The following PDE4D variants were observed in gnomAD, a reference collection of about 807,000 sequenced individuals.
PDE4D encodes the protein phosphodiesterase 4D, also known as 3',5'-cyclic-AMP phosphodiesterase 4D.
Under a neutral mutation model 87.4 loss-of-function variants are expected in PDE4D, and 24 were observed. The ratio of observed to expected loss-of-function variants is 0.27; its 90% CI spans 0.20 to 0.39. The LOEUF is 0.39. PDE4D is among the 10% of genes least tolerant of loss of function. The pLI is 1.00. For synonymous variants in PDE4D, 384 were observed against 383.2 expected (o/e 1.00, Z -0.02); for missense variants, 714 against 1,041.0 (o/e 0.69, Z 4.32).
At chr5:59,374,126 G>T (rs958495046) in intron 1 of PDE4D, among the ~76,000 whole-genome samples, 1 of 152,122 alleles carries the variant, frequency 6.6e-6, no homozygotes, top group Non-Finnish European at 1.5e-5. Flanking sequence ...AAACAAGTCT[G>T]CAAAATAACC....
chr5:59,314,982 A>T (rs1773418806), intron 1 of PDE4D, among the ~76,000 whole-genome samples: 1 of 152,114 alleles, frequency 6.6e-6, no homozygotes, highest in Admixed American at 6.6e-5. Flanking sequence ...GCTACCAGGA[A>T]GTTCATGCCT....
intron 1 of PDE4D, among the ~76,000 whole-genome samples, chr5:59,813,113 G>A (rs1768554621): frequency 6.6e-6 from 1 of 152,112 alleles, no homozygotes; most frequent in African/African-American, 2.4e-5. Context: ...ATTTGCTTAT[G>A]GTCCAAGGAC....
chr5:59,962,891 T>C (rs188224241), intron 3 of PDE4D, among the ~76,000 whole-genome samples: 3 of 152,194 alleles, frequency 2.0e-5, no homozygotes, highest in African/African-American at 7.2e-5. Flanking sequence ...TATTAGTAAT[T>C]GTTATTTTTG....
At chr5:60,370,511 TAGAAG>T (rs1760931166) in intron 1 of PDE4D, among the ~76,000 whole-genome samples, 1 of 152,076 alleles carries the variant, frequency 6.6e-6, no homozygotes, top group African/African-American at 2.4e-5. Flanking sequence ...CAAATCAACC[TAGAAG>T]AGAAGGAAGT....
At chr5:59,135,737 A>G (rs1413370294) in intron 5 of PDE4D, among the ~76,000 whole-genome samples, 1 of 152,226 alleles carries the variant, frequency 6.6e-6, no homozygotes, top group Non-Finnish European at 1.5e-5. Flanking sequence ...AACAAAACAG[A>G]AAAACCACTG....
At chr5:60,154,509 T>G (rs1002197916) in intron 2 of PDE4D, among the ~76,000 whole-genome samples, 24 of 152,130 alleles carry the variant, frequency 1.6e-4, no homozygotes, top group African/African-American at 5.3e-4. Context: ...CTCCTGACCT[T>G]ATGATCCATC....
intron 3 of PDE4D, among the ~76,000 whole-genome samples, chr5:59,942,048 G>A (rs1757241911): frequency 6.6e-6 from 1 of 152,208 alleles, no homozygotes; most frequent in Non-Finnish European, 1.5e-5. Flanking sequence ...CACCAGCCTG[G>A]AATGGAAGCT....
chr5:59,767,941 A>G (rs1259361635), intron 1 of PDE4D, among the ~76,000 whole-genome samples: 2 of 152,142 alleles, frequency 1.3e-5, no homozygotes, highest in Non-Finnish European at 2.9e-5. Flanking sequence ...AAACGCCACT[A>G]CGTACGTATG....
At chr5:60,047,875 T>C (rs1582366480) in intron 2 of PDE4D, among the ~76,000 whole-genome samples, 1 of 152,156 alleles carries the variant, frequency 6.6e-6, no homozygotes, top group African/African-American at 2.4e-5. Context: ...TAGATGTCTA[T>C]TAGGTCTGCT....
chr5:59,105,821 C>G (rs1268695599), intron 5 of PDE4D, among the ~76,000 whole-genome samples: 1 of 151,982 alleles, frequency 6.6e-6, no homozygotes, highest in Non-Finnish European at 1.5e-5. Flanking sequence ...GACTCAGTAG[C>G]GAGTGGGTCA....
chr5:59,616,918 C>CACATATATATATATATATAT (rs1554043754), intron 1 of PDE4D, among the ~76,000 whole-genome samples: 1 of 62,890 alleles, frequency 1.6e-5, no homozygotes, highest in Non-Finnish European at 3.2e-5. Context: ...CTAATAATTA[C>CACATATATATATATATATAT]ATATATATAT....
chr5:60,309,677 T>A (rs1208866245), intron 1 of PDE4D, among the ~76,000 whole-genome samples: 1 of 152,172 alleles, frequency 6.6e-6, no homozygotes, highest in African/African-American at 2.4e-5. Flanking sequence ...ACGACTCATT[T>A]TTTTCTCTCC....
chr5:59,299,867 T>C (rs1307292508), intron 1 of PDE4D, among the ~76,000 whole-genome samples: 2 of 152,160 alleles, frequency 1.3e-5, no homozygotes, highest in Non-Finnish European at 1.5e-5. Context: ...CCCAGCACTT[T>C]GGGAGGCCGA....
At chr5:59,216,570 C>T (rs547696831) in intron 1 of PDE4D, among the ~76,000 whole-genome samples, 2 of 152,298 alleles carry the variant, frequency 1.3e-5, no homozygotes, top group East Asian at 3.9e-4. Context: ...CAGTAACTTA[C>T]CATTGCTCTC....
At chr5:60,172,131 A>G (rs576006501) in intron 2 of PDE4D, among the ~76,000 whole-genome samples, 2 of 147,082 alleles carry the variant, frequency 1.4e-5, no homozygotes, top group East Asian at 2.0e-4. Flanking sequence ...TATATATAAT[A>G]TAATATATAT....
At chr5:59,210,396 T>C (rs1749812477) in intron 2 of PDE4D, among the ~76,000 whole-genome samples, 1 of 152,114 alleles carries the variant, frequency 6.6e-6, no homozygotes, top group Non-Finnish European at 1.5e-5. Context: ...GCAAAAGTAG[T>C]AGAGAGGAGT....
intron 5 of PDE4D, among the ~76,000 whole-genome samples, chr5:59,081,490 T>C (rs1766743553): frequency 7.0e-6 from 1 of 142,392 alleles, no homozygotes; most frequent in Admixed American, 7.6e-5. Context: ...TCAAATATTT[T>C]GAACCTCATG....
chr5:60,430,561 T>TTA (rs1554034826), intron 1 of PDE4D, among the ~76,000 whole-genome samples: 18 of 150,886 alleles, frequency 1.2e-4, no homozygotes, highest in African/African-American at 4.4e-4. Context: ...TTTTTTTTTT[T>TTA]ATTGATCATT....
At chr5:60,069,833 T>G (rs537860478) in intron 2 of PDE4D, among the ~76,000 whole-genome samples, 1 of 152,320 alleles carries the variant, frequency 6.6e-6, no homozygotes, top group South Asian at 2.1e-4. Context: ...GTCTTTTGAT[T>G]TGCTTAGTAT....
Sources: allele counts gnomAD v4.1 joint callset (sites outside exome capture counted in the v4.1 genomes callset), GRCh38; gene constraint gnomAD v4.1.1; transcripts MANE v1.5; gene names NCBI Gene and HGNC (gene_info 2026-07-23, HGNC 2026-07-21).